Variants in ISLR2 observed in about 807,000 individuals in gnomAD.
The protein encoded by ISLR2 is immunoglobulin superfamily containing leucine-rich repeat protein 2.
A neutral mutation model predicts 25.5 loss-of-function variants in ISLR2; 16 were observed. The ratio of observed to expected loss-of-function variants is 0.63; its 90% CI spans 0.43 to 0.95. The LOEUF (loss-of-function observed/expected upper bound fraction) is 0.95. Ranked by LOEUF, ISLR2 falls within the 40% of genes least tolerant of loss-of-function variation. The probability of loss-of-function intolerance (pLI) is 0.00; values close to 1 mark genes in which losing one functional copy is unlikely to be tolerated. For synonymous variants in ISLR2, 508 were observed against 486.6 expected, an observed-to-expected ratio of 1.04 and a Z score of -0.58; for missense variants, 883 against 1,030.7, an observed-to-expected ratio of 0.86 and a Z score of 1.96.
upstream of ISLR2, chr15:74,125,776 A>G (rs1363731039): frequency 6.6e-6 from 1 of 152,224 alleles, no homozygotes; most frequent in South Asian, 2.1e-4. Flanking sequence ...TGAACCATTC[A>G]GAAAATTCCT....
intron 2 of ISLR2, among the ~76,000 whole-genome samples, chr15:74,121,374 C>T (rs968572321): frequency 3.9e-5 from 6 of 152,144 alleles, no homozygotes; most frequent in Admixed American, 6.5e-5. Context: ...CTCTTCATAG[C>T]CTGATTCCTC....
In ISLR2 at chr15:74,134,624, C is replaced by A. The variant is rs746626386; in HGVS notation, c.1870C>A (p.Pro624Thr). 1.4e-5 allele frequency: 23 copies of A among 1,614,012 alleles called. No individual in the cohort carries two copies. The highest frequency in any genetic ancestry group is 8.5e-7 in the Non-Finnish European group (1 of 1,180,030). The change falls in exon 3 of 3, where the codon CCC (proline) becomes ACC (threonine). Residue 624 changes from proline (P) to threonine (T), a missense_variant. Physicochemically the swap from Pro to Thr is conservative, Grantham distance 38. This residue lies in a region of ISLR2 where 612 missense variants were observed against 642.8 expected (regional missense o/e 0.95). Transcript: ENST00000453268. ...CHLLAKHPGKPYRLILRPQAP... is the reference protein window; with the variant it reads ...CHLLAKHPGKTYRLILRPQAP... ...TCTGCTGGCTAAACACCCGGGCAAGCCCTACCGTCTGATCCTGCGGCCTCA... is the reference window on the plus strand; with the variant it reads ...TCTGCTGGCTAAACACCCGGGCAAGACCTACCGTCTGATCCTGCGGCCTCA...
In ISLR2 at chr15:74,134,626, C is replaced by G. The variant is rs757145288; in HGVS notation, c.1872C>G (p.Pro624=). 2 of 1,614,168 alleles carry G rather than the reference C, an allele frequency of 1.2e-6. No homozygotes were observed. Among genetic ancestry groups the G allele is most frequent in the Non-Finnish European group, 1.7e-6 (2 of 1,180,030 alleles). The change falls in exon 3 of 3, where the codon CCC becomes CCG. Residue 624 remains proline, a synonymous_variant. Coordinates refer to ENST00000453268, the MANE Select transcript of ISLR2 (RefSeq NM_020851.3). ...CHLLAKHPGK[P]YRLILRPQAP... is the part of the protein sequence containing the mutation. Reference sequence around the variant, plus strand: ...TGCTGGCTAAACACCCGGGCAAGCCCTACCGTCTGATCCTGCGGCCTCAGG... The same window carrying G: ...TGCTGGCTAAACACCCGGGCAAGCCGTACCGTCTGATCCTGCGGCCTCAGG...
At chr15:74,105,873 A>G (rs1297194586) in intron 2 of ISLR2, among the ~76,000 whole-genome samples, 1 of 152,140 alleles carries the variant, frequency 6.6e-6, no homozygotes, top group Non-Finnish European at 1.5e-5. Context: ...CCTCAAGTCT[A>G]TACAGAAATG....
upstream of ISLR2, chr15:74,127,047 C>T (rs2072307954): frequency 2.6e-5 from 4 of 151,954 alleles, no homozygotes; most frequent in East Asian, 3.9e-4. Flanking sequence ...CAGCCTTAAC[C>T]GGCTGCTATG....
upstream of ISLR2, chr15:74,130,215 G>A (rs1347293960): frequency 2.3e-5 from 3 of 129,116 alleles, no homozygotes; most frequent in African/African-American, 8.4e-5. Context: ...GGGGCGGGGG[G>A]GTTGGGGCGG....
intron 1 of ISLR2, among the ~76,000 whole-genome samples, chr15:74,103,391 C>T (rs1233218850): frequency 7.3e-5 from 11 of 150,104 alleles, no homozygotes; most frequent in Non-Finnish European, 1.6e-4. Flanking sequence ...TCACTCGAGG[C>T]CAGGAGTTTG....
chr15:74,117,827 T>A (rs1746074789), intron 2 of ISLR2, among the ~76,000 whole-genome samples: 2 of 152,162 alleles, frequency 1.3e-5, no homozygotes, highest in Admixed American at 1.3e-4. Context: ...CCAATTAAGT[T>A]AATTACATCC....
At chr15:74,114,827 C>T (rs940003553) in intron 2 of ISLR2, among the ~76,000 whole-genome samples, 3 of 152,038 alleles carry the variant, frequency 2.0e-5, no homozygotes, top group Admixed American at 6.6e-5. Flanking sequence ...AGTTTACTGC[C>T]GGAAGCACTT....
At chr15:74,108,391 G>A (rs1224319152) in intron 2 of ISLR2, among the ~76,000 whole-genome samples, 1 of 152,114 alleles carries the variant, frequency 6.6e-6, no homozygotes, top group South Asian at 2.1e-4. Context: ...TTCTCACGCC[G>A]CACAGCAGCT....
upstream of ISLR2, among the ~76,000 whole-genome samples, chr15:74,125,329 C>T (rs1276238698): frequency 8.5e-5 from 13 of 152,154 alleles, no homozygotes; most frequent in African/African-American, 3.1e-4. Flanking sequence ...CCTCGACCTC[C>T]TGGGCTCAAG....
chr15:74,124,433 A>T (rs150083980), upstream of ISLR2, among the ~76,000 whole-genome samples: 1 of 152,200 alleles, frequency 6.6e-6, no homozygotes, highest in Non-Finnish European at 1.5e-5. Context: ...GGAAAAGAGA[A>T]GCCTGTCTTT....
chr15:74,140,850 G>T (rs2072607362), downstream of ISLR2, among the ~76,000 whole-genome samples: 1 of 152,130 alleles, frequency 6.6e-6, no homozygotes, highest in Non-Finnish European at 1.5e-5. Flanking sequence ...TTTTGCCTTA[G>T]GACTCAATAG....
Position 74,132,971 on chromosome 15 carries a change from G to A in ISLR2, c.217G>A (p.Asp73Asn), listed in dbSNP as rs911013112. The change falls in exon 3 of 3, where the codon GAC (aspartate) becomes AAC (asparagine). Residue 73 changes from aspartate to asparagine, a missense_variant. Physicochemically the swap from Asp to Asn is conservative, Grantham distance 23 (BLOSUM62 1). Transcript: ENST00000453268. This position sits in a 1 kb window ranked among gnomAD's most constrained non-coding sequence, Gnocchi z 4.3. ...TGTGCTGCGGCGCGGGGCCTTCGCC[G>A]ACGTCACACAGGTCACGTCGCTGTG... Reference protein sequence around the residue: ...ITVLRRGAFADVTQVTSLWLA... With the variant: ...ITVLRRGAFANVTQVTSLWLA... 2 of 1,613,888 alleles carry A rather than the reference G, an allele frequency of 1.2e-6. No individual in the cohort carries two copies. Among genetic ancestry groups the A allele is most frequent in the African/African-American group, 1.3e-5 (1 of 74,952 alleles).
At chr15:74,140,731 C>G (rs553478436), downstream of ISLR2, among the ~76,000 whole-genome samples, 12 of 152,240 alleles carry the variant, frequency 7.9e-5, no homozygotes, top group East Asian at 2.3e-3. Flanking sequence ...AAGAGAAATC[C>G]TGCTGGGCAG....
At chr15:74,127,515 T>TA (rs2072314204), upstream of ISLR2, 1 of 152,414 alleles carries the variant, frequency 6.6e-6, no homozygotes, top group East Asian at 1.9e-4. Flanking sequence ...ACCTGGGACA[T>TA]AGACTGGGTG....
chr15:74,106,345 C>G (rs2072119305), intron 2 of ISLR2, among the ~76,000 whole-genome samples: 1 of 152,210 alleles, frequency 6.6e-6, no homozygotes, highest in South Asian at 2.1e-4. Flanking sequence ...TCAGTCCAGT[C>G]TCTGTTGGGT....
rs150309354 is a variant in ISLR2, at chr15:74,131,721, G to T, written c.-9+405G>T. On this transcript the variant is annotated intron_variant, in intron 2 of 2. Transcript: ENST00000453268. ...CTCTGCCCAATGGGAGCCGCCTGAG[G>T]GACCTGAGAGGAAGCTCTAGTGACC... Among the ~76,000 whole-genome samples, 21 of 152,248 alleles carry T rather than the reference G, an allele frequency of 1.4e-4. No individual in the cohort carries two copies. In the East Asian group the frequency reaches 3.3e-3, roughly 24 times the overall value.
chr15:74,122,931 ATG>A (rs1218756183), intron 2 of ISLR2, among the ~76,000 whole-genome samples: 3 of 151,988 alleles, frequency 2.0e-5, no homozygotes, highest in Admixed American at 6.6e-5. Context: ...GGTTCTCTGA[ATG>A]TGTGTTTATT....
Sources: allele counts gnomAD v4.1 joint callset (sites outside exome capture counted in the v4.1 genomes callset), GRCh38; gene constraint gnomAD v4.1.1; regional missense constraint gnomAD v4.1.1; non-coding constraint Gnocchi (gnomAD v3.1); transcripts MANE v1.5; gene names NCBI Gene and HGNC (gene_info 2026-07-23, HGNC 2026-07-21).